ASPH: variants seen among roughly 807,000 people sequenced by gnomAD.
ASPH encodes aspartyl/asparaginyl beta-hydroxylase.
In ASPH, 100 loss-of-function variants were observed where a neutral mutation model predicts 118.4. That is an observed-to-expected ratio of 0.84 (90% confidence interval 0.72 to 1.00). The LOEUF (loss-of-function observed/expected upper bound fraction) is 1.00, where lower values mean the gene tolerates loss of function less well. ASPH is among the 50% of genes least tolerant of loss of function. The pLI, the probability that ASPH is intolerant of heterozygous loss-of-function variation, is 0.00. For synonymous variants in ASPH, 315 were observed against 325.6 expected, an observed-to-expected ratio of 0.97 and a Z score of 0.35; for missense variants, 920 against 919.5, an observed-to-expected ratio of 1.00 and a Z score of -0.01.
At chr8:61,706,082 G>C (rs541095602) in intron 1 of ASPH, among the ~76,000 whole-genome samples, 2 of 152,218 alleles carry the variant, frequency 1.3e-5, no homozygotes, top group Admixed American at 1.3e-4. Flanking sequence ...AATAAAAGAT[G>C]TATATGACTT....
intron 17 of ASPH, among the ~76,000 whole-genome samples, chr8:61,565,503 G>C (rs944503344): frequency 2.0e-5 from 3 of 152,172 alleles, no homozygotes; most frequent in Non-Finnish European, 2.9e-5. Context: ...AAGAGAGCTA[G>C]CAGAGATTTG....
At chr8:61,630,353 C>T (rs993611937) in intron 13 of ASPH, among the ~76,000 whole-genome samples, 3 of 151,972 alleles carry the variant, frequency 2.0e-5, no homozygotes, top group African/African-American at 7.3e-5. Context: ...ATTAGTGTTC[C>T]TACAATCAGA....
intron 21 of ASPH, among the ~76,000 whole-genome samples, chr8:61,545,102 T>G (rs1823308320): frequency 6.6e-6 from 1 of 152,228 alleles, no homozygotes; most frequent in African/African-American, 2.4e-5. Context: ...AATCACTGAC[T>G]GCTGTGGTCT....
chr8:61,665,310 T>TA, intron 3 of ASPH: 7 of 1,613,580 alleles, frequency 4.3e-6, no homozygotes, highest in Non-Finnish European at 5.9e-6. Context: ...GTAGAACTTC[T>TA]ACTTTCCTTT....
intron 10 of ASPH, among the ~76,000 whole-genome samples, chr8:61,639,367 G>C (rs1803982914): frequency 6.6e-6 from 1 of 151,942 alleles, no homozygotes; most frequent in Admixed American, 6.6e-5. Flanking sequence ...CCCCATCCCT[G>C]AAAAGGCTCC....
rs138060728 is a variant in ASPH, at chr8:61,686,536, A to G, written c.104-2348T>C. ...TATGTCTAATTCACTACATTTTTAT[A>G]AACAGAAAGACTTATTTTCTAACAC... On this transcript the variant is annotated intron_variant, in intron 1 of 24. Coordinates refer to ENST00000379454, the MANE Select transcript of ASPH (RefSeq NM_004318.4). Among the ~76,000 whole-genome samples, 535 of 152,326 alleles carry G rather than the reference A, an allele frequency of 3.5e-3. 2 individuals are homozygous for G. Among genetic ancestry groups the G allele is most frequent in the Middle Eastern group, 0.02 (6 of 294 alleles).
chr8:61,618,229 G>C (rs943485721), intron 14 of ASPH, among the ~76,000 whole-genome samples: 1 of 152,078 alleles, frequency 6.6e-6, no homozygotes, highest in African/African-American at 2.4e-5. Flanking sequence ...TCTTATGCAC[G>C]TTATGTACAA....
chr8:61,668,367 C>T (rs935325281), intron 3 of ASPH: 4 of 969,916 alleles, frequency 4.1e-6, no homozygotes, highest in Non-Finnish European at 6.2e-6. Flanking sequence ...AAATCAATGC[C>T]ACTATAAAAT....
At chr8:61,565,131 G>A (rs1346269949) in intron 17 of ASPH, among the ~76,000 whole-genome samples, 2 of 152,084 alleles carry the variant, frequency 1.3e-5, no homozygotes, top group East Asian at 3.8e-4. Context: ...GCATCTAGCT[G>A]GTATCATTTT....
At chr8:61,567,041 C>T in intron 17 of ASPH, 127 bp downstream of exon 17, 2 of 1,190,504 alleles carry the variant, frequency 1.7e-6, no homozygotes, top group Non-Finnish European at 2.3e-6. Context: ...AGACACATTA[C>T]TTGAAATCAG....
chr8:61,509,667 C>T (rs565569599), intron 24 of ASPH, among the ~76,000 whole-genome samples: 1 of 152,272 alleles, frequency 6.6e-6, no homozygotes, highest in Admixed American at 6.5e-5. Flanking sequence ...TTACCCAGCC[C>T]CTATTCAAGA....
intron 14 of ASPH, among the ~76,000 whole-genome samples, chr8:61,609,974 T>C (rs548734640): frequency 2.1e-4 from 32 of 152,340 alleles, no homozygotes; most frequent in African/African-American, 7.0e-4. Flanking sequence ...AGTATAGAAA[T>C]AGACAATGTG....
chr8:61,610,634 C>T (rs577796267), intron 14 of ASPH, among the ~76,000 whole-genome samples: 22 of 152,150 alleles, frequency 1.4e-4, no homozygotes, highest in Non-Finnish European at 2.4e-4. Flanking sequence ...CAAGGGTGGA[C>T]GGGAGACTGT....
intron 3 of ASPH, among the ~76,000 whole-genome samples, chr8:61,667,520 C>T (rs1820281764): frequency 6.6e-6 from 1 of 152,106 alleles, no homozygotes; most frequent in African/African-American, 2.4e-5. Context: ...GTGCCTGCCA[C>T]CAAGTCCAGC....
At chr8:61,709,746 A>C (rs1837622306) in intron 1 of ASPH, among the ~76,000 whole-genome samples, 2 of 152,234 alleles carry the variant, frequency 1.3e-5, no homozygotes, top group Non-Finnish European at 2.9e-5. Context: ...ATATTAAAAC[A>C]GTGGCTGGAG....
At chr8:61,568,131 C>T (rs1245504788) in intron 16 of ASPH, among the ~76,000 whole-genome samples, 3 of 151,984 alleles carry the variant, frequency 2.0e-5, no homozygotes, top group Admixed American at 1.3e-4. Flanking sequence ...CAAAGTGAGA[C>T]GGGAAGACAA....
intron 21 of ASPH, among the ~76,000 whole-genome samples, chr8:61,545,691 A>T (rs1361403696): frequency 6.6e-6 from 1 of 152,232 alleles, no homozygotes; most frequent in Non-Finnish European, 1.5e-5. Context: ...CCCATAGTAG[A>T]CTGCCTTCAC....
intron 24 of ASPH, among the ~76,000 whole-genome samples, chr8:61,506,480 AT>A (rs1420950796): frequency 6.6e-6 from 1 of 152,198 alleles, no homozygotes; most frequent in African/African-American, 2.4e-5. Flanking sequence ...AAATTTTGTT[AT>A]GTGTATTTTA....
At chr8:61,621,112 G>T (rs547022950) in intron 13 of ASPH, among the ~76,000 whole-genome samples, 1 of 152,280 alleles carries the variant, frequency 6.6e-6, no homozygotes, top group Non-Finnish European at 1.5e-5. Flanking sequence ...CTAAAAGGGG[G>T]TTGGCAGTCT....
Sources: allele counts gnomAD v4.1 joint callset (sites outside exome capture counted in the v4.1 genomes callset), GRCh38; gene constraint gnomAD v4.1.1; transcripts MANE v1.5; gene names NCBI Gene and HGNC (gene_info 2026-07-23, HGNC 2026-07-21).